SLC5A12: variants seen among roughly 807,000 people sequenced by gnomAD.
SLC5A12 encodes solute carrier family 5 member 12.
In SLC5A12, 46 loss-of-function variants were observed where a neutral mutation model predicts 72.7. That is an observed-to-expected ratio of 0.63 (90% CI 0.50 to 0.81). The LOEUF is 0.81. Ranked by LOEUF, SLC5A12 falls within the 30% of genes least tolerant of loss-of-function variation. SLC5A12 has a pLI of 0.00. For synonymous variants in SLC5A12, 275 were observed against 264.4 expected (o/e 1.04, Z -0.39); for missense variants, 683 against 740.7 (o/e 0.92, Z 0.90).
At chr11:26,674,038 C>T (rs866532094) in intron 13 of SLC5A12, among the ~76,000 whole-genome samples, 18 of 152,142 alleles carry the variant, frequency 1.2e-4, no homozygotes, top group South Asian at 1.0e-3. Context: ...CTCACACCTC[C>T]TCATGCCTCA....
intron 9 of SLC5A12, among the ~76,000 whole-genome samples, chr11:26,687,556 G>T (rs905801734): frequency 4.6e-5 from 7 of 152,162 alleles, no homozygotes; most frequent in Non-Finnish European, 8.8e-5. Flanking sequence ...TTCATTCTAG[G>T]AAGAAACTGC....
At chr11:26,711,190 CA>C in intron 3 of SLC5A12, 116 bp downstream of exon 3, 1 of 807,386 alleles carries the variant, frequency 1.2e-6, no homozygotes, top group Middle Eastern at 2.5e-4. Flanking sequence ...AATAGTAATT[CA>C]GAATCCTCTA....
intron 11 of SLC5A12, among the ~76,000 whole-genome samples, chr11:26,683,124 T>A (rs921941040): frequency 7.9e-5 from 12 of 152,226 alleles, no homozygotes; most frequent in African/African-American, 2.9e-4. Context: ...GATGGCAATT[T>A]TGTTAGACTG....
intron 7 of SLC5A12, 103 bp from the exon 8 acceptor site, chr11:26,697,355 G>A (rs902267174): frequency 2.0e-6 from 2 of 981,200 alleles, no homozygotes; most frequent in Non-Finnish European, 3.0e-6. Context: ...TCTCATCAGT[G>A]TTTGAAATGT....
At chr11:26,679,668 G>A (rs79750925) in intron 12 of SLC5A12, among the ~76,000 whole-genome samples, 32 of 152,272 alleles carry the variant, frequency 2.1e-4, no homozygotes, top group African/African-American at 7.2e-4. Context: ...ATGTAGGAAA[G>A]AGTGGGATAA....
At chr11:26,680,357 ATATGTATATATATTCATATATATATG>A (rs1854374918) in intron 12 of SLC5A12, among the ~76,000 whole-genome samples, 1 of 135,802 alleles carries the variant, frequency 7.4e-6, no homozygotes, top group African/African-American at 2.7e-5. Flanking sequence ...ATTCATATAT[ATATGTATATATATTCATATATATATG>A]TATATATATT....
intron 6 of SLC5A12, among the ~76,000 whole-genome samples, chr11:26,698,797 C>T (rs758408214): frequency 2.0e-5 from 3 of 151,902 alleles, no homozygotes; most frequent in South Asian, 4.1e-4. Context: ...TTTTGCAAAA[C>T]CTTGATATGT....
At chr11:26,693,906 T>C (rs1057368780) in intron 8 of SLC5A12, among the ~76,000 whole-genome samples, 11 of 152,192 alleles carry the variant, frequency 7.2e-5, no homozygotes, top group African/African-American at 2.7e-4. Context: ...CAGACTCCTC[T>C]TCTATCTGGA....
Position 26,670,947 on chromosome 11 carries a change from T to G in SLC5A12, c.*155A>C, listed in dbSNP as rs1854124958. ...TATCCCGAGAGACAGTCATTTTGCA[T>G]GTAGTTATAAATAAGTAGAAATAGG... is the stretch of plus-strand genomic sequence containing the variant. On this transcript the variant is annotated 3_prime_UTR_variant, in exon 15 of 15. Coordinates refer to ENST00000396005, the MANE Select transcript of SLC5A12 (RefSeq NM_178498.4). 1.7e-6 allele frequency: 1 copy of G among 601,290 alleles called. No homozygotes were observed. The highest frequency in any genetic ancestry group is 2.6e-6 in the Non-Finnish European group (1 of 380,696). 37.2% of individuals were successfully genotyped at this position (601,290 alleles called of 1,614,324 possible).
intron 13 of SLC5A12, 38 bp from the exon 14 acceptor site, chr11:26,673,567 G>T (rs751384867): frequency 6.5e-7 from 1 of 1,539,850 alleles, no homozygotes; most frequent in African/African-American, 1.4e-5. Context: ...ATGGTTGCAG[G>T]CCTCCATGTC....
chr11:26,676,062 T>C (rs1468160289), intron 13 of SLC5A12, among the ~76,000 whole-genome samples: 3 of 151,792 alleles, frequency 2.0e-5, no homozygotes, highest in Non-Finnish European at 4.4e-5. Flanking sequence ...AATCAGAAAT[T>C]AGAATGGTAT....
At chr11:26,679,824 T>C (rs1470630499) in intron 12 of SLC5A12, among the ~76,000 whole-genome samples, 3 of 152,108 alleles carry the variant, frequency 2.0e-5, no homozygotes, top group Non-Finnish European at 4.4e-5. Context: ...ACATGAATCA[T>C]TTAAGTCATC....
At chr11:26,717,474 T>C (rs1230689196) in intron 1 of SLC5A12, among the ~76,000 whole-genome samples, 1 of 152,122 alleles carries the variant, frequency 6.6e-6, no homozygotes, top group Non-Finnish European at 1.5e-5. Context: ...ATTGAGATAA[T>C]GAAAATATAT....
intron 1 of SLC5A12, among the ~76,000 whole-genome samples, chr11:26,717,258 T>A (rs1797312526): frequency 6.6e-6 from 1 of 152,080 alleles, no homozygotes; most frequent in Non-Finnish European, 1.5e-5. Flanking sequence ...GGCATTATCA[T>A]AAAGAAAATT....
At chr11:26,705,446 A>T in intron 4 of SLC5A12, among the ~76,000 whole-genome samples, 1 of 152,132 alleles carries the variant, frequency 6.6e-6, no homozygotes, top group East Asian at 1.9e-4. Context: ...TTACTCCTCC[A>T]GAGTGTCAAG....
At chr11:26,685,428 T>C (rs1466408760) in intron 10 of SLC5A12, among the ~76,000 whole-genome samples, 2 of 152,046 alleles carry the variant, frequency 1.3e-5, no homozygotes, top group East Asian at 3.9e-4. Context: ...AAGACCAGTC[T>C]GGCAAATATG....
intron 11 of SLC5A12, among the ~76,000 whole-genome samples, chr11:26,682,532 G>A (rs1306717092): frequency 1.3e-5 from 2 of 152,078 alleles, no homozygotes; most frequent in African/African-American, 2.4e-5. Context: ...TGAGGGGAGA[G>A]GTGACACAAA....
intron 11 of SLC5A12, among the ~76,000 whole-genome samples, chr11:26,682,734 C>G (rs1163472793): frequency 6.6e-6 from 1 of 152,080 alleles, no homozygotes; most frequent in Non-Finnish European, 1.5e-5. Flanking sequence ...TCAATGTTAA[C>G]AGTGCACTAA....
intron 9 of SLC5A12, among the ~76,000 whole-genome samples, chr11:26,690,376 G>A (rs1268640742): frequency 6.6e-6 from 1 of 151,884 alleles, no homozygotes; most frequent in African/African-American, 2.4e-5. Context: ...GTACACTCTT[G>A]TAATTAAAGA....
Sources: gnomAD v4.1 joint callset for allele counts (sites outside exome capture counted in the v4.1 genomes callset) on GRCh38, gnomAD v4.1.1 for gene constraint, MANE v1.5 for transcripts, NCBI Gene and HGNC (gene_info 2026-07-23, HGNC 2026-07-21) for gene names.